The following NTSR1 variants were observed in gnomAD, a reference collection of about 807,000 sequenced individuals.
The protein encoded by NTSR1 is neurotensin receptor 1.
Under a neutral mutation model 31.2 loss-of-function variants are expected in NTSR1, and 29 were observed. That is an observed-to-expected ratio of 0.93 (90% CI 0.69 to 1.27). NTSR1 has a LOEUF of 1.27. NTSR1 is among the 50% of genes most tolerant of loss of function. The probability of loss-of-function intolerance (pLI) is 0.00; values close to 1 mark genes in which losing one functional copy is unlikely to be tolerated. For synonymous variants in NTSR1, 282 were observed against 269.9 expected (o/e 1.04, Z -0.44); for missense variants, 697 against 595.4 (o/e 1.17, Z -1.78).
intron 1 of NTSR1, among the ~76,000 whole-genome samples, chr20:62,740,985 TG>T (rs1989195005): frequency 6.6e-6 from 1 of 151,784 alleles, no homozygotes; most frequent in Admixed American, 6.6e-5. Context: ...GAGTGACTAA[TG>T]GGGCACACTG....
rs905937021 is a variant in NTSR1 at position 62,714,248 on chromosome 20, G to T, written c.714+4327G>T. On this transcript the variant is annotated intron_variant, in intron 1 of 3. Transcript: ENST00000370501. This position sits in a 1 kb window ranked among gnomAD's most constrained non-coding sequence, Gnocchi z 4.1. Reference sequence around the variant, plus strand: ...CGGCCACAGTGTCCTCACCTGCAGCGCAGGGCATAGAGGGCTGTTGGTGTG... The same window carrying T: ...CGGCCACAGTGTCCTCACCTGCAGCTCAGGGCATAGAGGGCTGTTGGTGTG... 3.9e-5 allele frequency among the ~76,000 whole-genome samples: 6 copies of T among 152,230 alleles called. No homozygotes were observed. Among genetic ancestry groups the T allele is most frequent in the African/African-American group, 1.2e-4 (5 of 41,462 alleles).
intron 1 of NTSR1, among the ~76,000 whole-genome samples, chr20:62,722,169 G>A (rs3787535): frequency 0.26 from 39,830 of 152,048 alleles, 5,790 homozygotes; most frequent in Admixed American, 0.35. Context: ...TGGCAGACTC[G>A]TCATCTTGAA....
intron 1 of NTSR1, among the ~76,000 whole-genome samples, chr20:62,721,357 GAGTT>G (rs766070999): frequency 6.6e-6 from 1 of 152,194 alleles, no homozygotes; most frequent in Non-Finnish European, 1.5e-5. Flanking sequence ...TTTTCCTTGA[GAGTT>G]AGTCCCATTT....
chr20:62,736,183 C>T (rs1989088663), intron 1 of NTSR1, among the ~76,000 whole-genome samples: 2 of 152,176 alleles, frequency 1.3e-5, no homozygotes, highest in Admixed American at 1.3e-4. Flanking sequence ...GTGCCTCGGG[C>T]AGGGGCATCG....
At position 62,745,360 on chromosome 20, in the gene NTSR1, CAGAGATAGAGACAGAGACACAGAGATAT is replaced by C. The variant is rs879444552; in HGVS notation, c.715-9311_715-9284del. 1.5e-4 allele frequency among the ~76,000 whole-genome samples: 22 copies of C among 151,552 alleles called. No homozygotes were observed. The South Asian group carries it at 4.4e-3, about 30-fold the overall frequency. ...ATACAGAGACACAAGAAAACAGAGA[CAGAGATAGAGACAGAGACACAGAGATAT>C]AGAGATAGAGACACAGACTCAGGAA... On this transcript the variant is annotated intron_variant, in intron 1 of 3. Coordinates refer to ENST00000370501, the MANE Select transcript of NTSR1 (RefSeq NM_002531.3). This position sits in a 1 kb window ranked among gnomAD's most constrained non-coding sequence, Gnocchi z 4.1.
chr20:62,709,919 C>T lies in NTSR1; in HGVS notation c.712C>T (p.Gln238Ter). The T allele has an allele frequency of 1.9e-6, 3 of 1,583,952 alleles. No individual in the cohort carries two copies. The highest frequency in any genetic ancestry group is 2.3e-5 in the East Asian group (1 of 44,308). Reference protein sequence around the residue: ...IHTATVKVVIQVNTFMSFIFP... With the variant: ...IHTATVKVVI ...CACTGCCACCGTCAAGGTCGTCATACAGGTGAGCCTCAGTAACCAGCCCCG... is the reference window on the plus strand; with the variant it reads ...CACTGCCACCGTCAAGGTCGTCATATAGGTGAGCCTCAGTAACCAGCCCCG... Residue 238 changes from glutamine (Q) to a stop codon, truncating the protein, a stop_gained and splice_region_variant, in exon 1 of 4, where the codon CAG becomes TAG. Transcript: ENST00000370501. LOFTEE classifies it high-confidence loss of function.
At position 62,711,621 on chromosome 20, in the gene NTSR1, C is replaced by G. The variant is rs1988617338; in HGVS notation, c.714+1700C>G. 6.7e-6 allele frequency among the ~76,000 whole-genome samples: 1 copy of G among 149,352 alleles called. No individual in the cohort carries two copies. The highest frequency in any genetic ancestry group is 2.5e-5 in the African/African-American group (1 of 40,708). ...CCCGCTCAGAACCCCGATCCCCCTG[C>G]TCCCCTGGCAAAAGGCCAGGAGCTC... is the stretch of plus-strand genomic sequence containing the variant. On this transcript the variant is annotated intron_variant, in intron 1 of 3. Coordinates refer to ENST00000370501, the MANE Select transcript of NTSR1 (RefSeq NM_002531.3). The surrounding 1 kb of genome is among the most constrained non-coding windows in gnomAD (Gnocchi z 6.4).
intron 1 of NTSR1, among the ~76,000 whole-genome samples, chr20:62,722,661 C>T (rs528870747): frequency 5.6e-4 from 86 of 152,366 alleles, no homozygotes; most frequent in African/African-American, 1.9e-3. Flanking sequence ...ACGTCTCCAT[C>T]AGGAAACTGT....
At chr20:62,713,988 T>A (rs1988666323) in intron 1 of NTSR1, among the ~76,000 whole-genome samples, 1 of 152,020 alleles carries the variant, frequency 6.6e-6, no homozygotes, top group Non-Finnish European at 1.5e-5. Flanking sequence ...TAATCCCAGC[T>A]ACTTGGGAGG....
At chr20:62,740,159 C>T (rs1171660197) in intron 1 of NTSR1, among the ~76,000 whole-genome samples, 1 of 152,242 alleles carries the variant, frequency 6.6e-6, no homozygotes, top group Non-Finnish European at 1.5e-5. Flanking sequence ...GGCTCCAAAG[C>T]GCTCTGTGCT....
intron 1 of NTSR1, among the ~76,000 whole-genome samples, chr20:62,734,821 C>A (rs35305116): frequency 0.041 from 6,256 of 152,322 alleles, 445 homozygotes; most frequent in East Asian, 0.31. Flanking sequence ...AATAAGATAT[C>A]GTATTAAAAT....
In NTSR1 at chr20:62,715,072, A is replaced by G. The variant is rs541169982; in HGVS notation, c.714+5151A>G. ...CAAGATTGGTCTTAAGTCTGTAATC[A>G]TGGAAAGTGAGTGTTGATGACATTT... On this transcript the variant is annotated intron_variant, in intron 1 of 3. Coordinates refer to ENST00000370501, the MANE Select transcript of NTSR1 (RefSeq NM_002531.3). This position sits in a 1 kb window ranked among gnomAD's most constrained non-coding sequence, Gnocchi z 4.7. Among the ~76,000 whole-genome samples, 35 of 152,348 alleles carry G rather than the reference A, an allele frequency of 2.3e-4. No homozygotes were observed. The highest frequency in any genetic ancestry group is 7.5e-4 in the African/African-American group (31 of 41,574).
At chr20:62,736,062 T>A (rs6122142) in intron 1 of NTSR1, among the ~76,000 whole-genome samples, 1 of 152,136 alleles carries the variant, frequency 6.6e-6, no homozygotes, top group Non-Finnish European at 1.5e-5. Flanking sequence ...GAAATCAGTA[T>A]GTGGTGATCA....
rs574526120 is a variant in NTSR1 at position 62,710,377 on chromosome 20, T to C, written c.714+456T>C. 4.2e-4 allele frequency among the ~76,000 whole-genome samples: 64 copies of C among 152,310 alleles called. 1 individual carries two copies. The highest frequency in any genetic ancestry group is 1.5e-3 in the African/African-American group (61 of 41,574). On this transcript the variant is annotated intron_variant, in intron 1 of 3. Transcript: ENST00000370501. ...CAAACTTGGGAGTCAGAACAGAACC[T>C]GATGCCGTGTTGGGCCAGTTCCTAG...
chr20:62,725,379 G>A (rs763215610), intron 1 of NTSR1, among the ~76,000 whole-genome samples: 1 of 152,252 alleles, frequency 6.6e-6, no homozygotes, highest in Non-Finnish European at 1.5e-5. Context: ...GAGGCCATGC[G>A]AGACACAGTG....
Position 62,711,676 on chromosome 20 carries a change from C to T in NTSR1, c.714+1755C>T, listed in dbSNP as rs970789301. 2.7e-5 allele frequency among the ~76,000 whole-genome samples: 4 copies of T among 150,642 alleles called. No homozygotes were observed. Among genetic ancestry groups the T allele is most frequent in the Admixed American group, 6.7e-5 (1 of 15,004 alleles). On this transcript the variant is annotated intron_variant, in intron 1 of 3. Transcript: ENST00000370501. This position sits in a 1 kb window ranked among gnomAD's most constrained non-coding sequence, Gnocchi z 6.4. ...GCCTCCTGCAGTCCTCAAAAACAAA[C>T]AGCCGAAAAGCACAGGGGCGTGAGG...
intron 1 of NTSR1, among the ~76,000 whole-genome samples, chr20:62,717,045 G>A (rs1002199165): frequency 1.2e-4 from 19 of 152,330 alleles, no homozygotes; most frequent in African/African-American, 3.4e-4. Context: ...GGGGACCACC[G>A]GGCTCTGCAG....
At chr20:62,737,935 C>T (rs930969048) in intron 1 of NTSR1, among the ~76,000 whole-genome samples, 61 of 151,952 alleles carry the variant, frequency 4.0e-4, no homozygotes, top group Non-Finnish European at 8.2e-4. Context: ...CCCTTCAGCC[C>T]TGCAGCCTCT....
chr20:62,728,620 C>T (rs981948349), intron 1 of NTSR1, among the ~76,000 whole-genome samples: 1 of 152,200 alleles, frequency 6.6e-6, no homozygotes, highest in African/African-American at 2.4e-5. Context: ...ACGGTGTCTG[C>T]GGAAGACGCT....
Sources: allele counts gnomAD v4.1 joint callset (sites outside exome capture counted in the v4.1 genomes callset), GRCh38; gene constraint gnomAD v4.1.1; non-coding constraint Gnocchi (gnomAD v3.1); transcripts MANE v1.5; gene names NCBI Gene and HGNC (gene_info 2026-07-23, HGNC 2026-07-21).